The following SARNP variants were observed in gnomAD, a reference collection of about 807,000 sequenced individuals.
SARNP encodes the protein SAP domain-containing ribonucleoprotein.
SARNP carries 5 observed loss-of-function variants against 38.1 expected under a neutral mutation model. The ratio of observed to expected loss-of-function variants is 0.13; its 90% confidence interval spans 0.07 to 0.28. SARNP has a LOEUF of 0.28. SARNP is among the 10% of genes least tolerant of loss of function. The probability of loss-of-function intolerance (pLI) is 1.00; values close to 1 mark genes in which losing one functional copy is unlikely to be tolerated. For synonymous variants in SARNP, 84 were observed against 80.6 expected (o/e 1.04, Z -0.23); for missense variants, 180 against 243.9 (o/e 0.74, Z 1.75).
At chr12:55,785,703 G>A (rs1879470786) in intron 9 of SARNP, among the ~76,000 whole-genome samples, 2 of 151,654 alleles carry the variant, frequency 1.3e-5, no homozygotes, top group African/African-American at 4.8e-5. Flanking sequence ...TTGAACCCAG[G>A]AGGCAGAGGT....
intron 6 of SARNP, 54 bp from the exon 7 acceptor site, chr12:55,794,441 G>T: frequency 6.7e-7 from 1 of 1,489,852 alleles, no homozygotes; most frequent in Non-Finnish European, 9.3e-7. Flanking sequence ...CTCCTGGTTT[G>T]TCTGTCTCCG....
chr12:55,804,231 T>C (rs1565682455), intron 1 of SARNP, among the ~76,000 whole-genome samples: 1 of 152,158 alleles, frequency 6.6e-6, no homozygotes, highest in Non-Finnish European at 1.5e-5. Flanking sequence ...ATGTGAACAA[T>C]GAATTGATTA....
At chr12:55,798,214 G>C (rs553549447) in intron 4 of SARNP, among the ~76,000 whole-genome samples, 8 of 152,244 alleles carry the variant, frequency 5.3e-5, no homozygotes, top group African/African-American at 1.4e-4. Context: ...GTATTTGATA[G>C]GCAGGTGATT....
intron 1 of SARNP, among the ~76,000 whole-genome samples, chr12:55,816,881 C>T (rs1010195693): frequency 2.0e-5 from 3 of 151,708 alleles, no homozygotes; most frequent in Non-Finnish European, 4.4e-5. Flanking sequence ...ATGGTAACAC[C>T]AGGAGATGCA....
chr12:55,801,222 T>C (rs1879969812), intron 2 of SARNP, among the ~76,000 whole-genome samples: 1 of 152,228 alleles, frequency 6.6e-6, no homozygotes, highest in Non-Finnish European at 1.5e-5. Context: ...GTGGATCGTT[T>C]GAACCTAGGA....
chr12:55,813,482 G>C (rs751923262), intron 1 of SARNP, among the ~76,000 whole-genome samples: 2 of 151,820 alleles, frequency 1.3e-5, no homozygotes, highest in Non-Finnish European at 2.9e-5. Flanking sequence ...GTTGAGGTAA[G>C]AGGGAGAAGC....
At chr12:55,775,817 G>C (rs1406555155) in intron 9 of SARNP, among the ~76,000 whole-genome samples, 1 of 152,120 alleles carries the variant, frequency 6.6e-6, no homozygotes, top group Non-Finnish European at 1.5e-5. Context: ...CTATTTTGGT[G>C]AGTATATAAG....
At chr12:55,790,504 C>A in intron 8 of SARNP, 63 bp downstream of exon 8, 1 of 1,506,834 alleles carries the variant, frequency 6.6e-7, no homozygotes, top group South Asian at 1.3e-5. Context: ...GAGGAGGAGT[C>A]TCTAAAGTTA....
chr12:55,777,058 C>T (rs886858716), intron 9 of SARNP, among the ~76,000 whole-genome samples: 3 of 151,946 alleles, frequency 2.0e-5, no homozygotes, highest in East Asian at 3.9e-4. Context: ...ACACGTTAGA[C>T]GAAGGAATGC....
At chr12:55,769,453 GGAA>G (rs1878942797) in intron 9 of SARNP, among the ~76,000 whole-genome samples, 1 of 152,120 alleles carries the variant, frequency 6.6e-6, no homozygotes, top group African/African-American at 2.4e-5. Context: ...GACTCATAAC[GGAA>G]ATTTGCTTTC....
intron 10 of SARNP, among the ~76,000 whole-genome samples, chr12:55,760,107 C>T (rs1006671259): frequency 2.0e-5 from 3 of 152,210 alleles, no homozygotes; most frequent in South Asian, 4.1e-4. Context: ...GTCTAACAGA[C>T]TCTAACACTG....
chr12:55,812,479 C>T (rs1201474692), intron 1 of SARNP, among the ~76,000 whole-genome samples: 6 of 152,200 alleles, frequency 3.9e-5, no homozygotes, highest in Non-Finnish European at 7.3e-5. Context: ...ATGGCAGGTG[C>T]TCCATATTTT....
At chr12:55,811,014 T>C (rs956986306) in intron 1 of SARNP, among the ~76,000 whole-genome samples, 23 of 151,002 alleles carry the variant, frequency 1.5e-4, no homozygotes, top group Non-Finnish European at 1.0e-4. Flanking sequence ...GAGGCAGAGG[T>C]TGCAGTGAGC....
At chr12:55,760,444 GTAAA>G (rs542134059) in intron 10 of SARNP, 103 bp downstream of exon 10, 15,760 of 700,798 alleles carry the variant, frequency 0.022, 268 homozygotes, top group Admixed American at 0.028. Context: ...ACTTAAATAA[GTAAA>G]TAAATAAATA....
intron 2 of SARNP, among the ~76,000 whole-genome samples, chr12:55,802,444 T>G (rs1156266932): frequency 6.6e-6 from 1 of 151,976 alleles, no homozygotes. Context: ...TAAAACTTTC[T>G]GAAGGCTGAT....
intron 9 of SARNP, among the ~76,000 whole-genome samples, chr12:55,782,415 G>A (rs527413910): frequency 6.6e-6 from 1 of 152,230 alleles, no homozygotes; most frequent in East Asian, 1.9e-4. Context: ...TCTCCTTTCC[G>A]AGGGTGCCAA....
At chr12:55,794,980 A>T in intron 5 of SARNP, 100 bp from the exon 6 acceptor site, 1 of 651,964 alleles carries the variant, frequency 1.5e-6, no homozygotes, top group South Asian at 1.9e-5. Flanking sequence ...AAAAAAAAAA[A>T]AAAGAGTCTC....
chr12:55,761,656 T>C (rs1436713220), intron 9 of SARNP: 1 of 152,218 alleles, frequency 6.6e-6, no homozygotes, highest in East Asian at 1.9e-4. Flanking sequence ...CTGCTCAGTA[T>C]AAGAGTCTAT....
At chr12:55,812,027 C>G (rs1315907572) in intron 1 of SARNP, among the ~76,000 whole-genome samples, 1 of 152,128 alleles carries the variant, frequency 6.6e-6, no homozygotes, top group African/African-American at 2.4e-5. Context: ...CATGTCACTC[C>G]TCTAGTCAAA....
Sources: gnomAD v4.1 joint callset for allele counts (sites outside exome capture counted in the v4.1 genomes callset) on GRCh38, gnomAD v4.1.1 for gene constraint, MANE v1.5 for transcripts, NCBI Gene and HGNC (gene_info 2026-07-23, HGNC 2026-07-21) for gene names.